Variants in PI4KA observed in about 807,000 individuals in gnomAD.
PI4KA encodes the protein phosphatidylinositol 4-kinase alpha, also known as PI4-kinase alpha.
Under a neutral mutation model 271.4 loss-of-function variants are expected in PI4KA, and 122 were observed. The observed-to-expected ratio is 0.45, with a 90% CI of 0.39 to 0.52. The LOEUF (loss-of-function observed/expected upper bound fraction) is 0.52. PI4KA is among the 20% of genes least tolerant of loss of function. PI4KA has a pLI of 0.00. For missense variants in PI4KA, 1,969 were observed against 2,769.1 expected (o/e 0.71, Z 6.48); for synonymous variants, 1,041 against 1,078.8 (o/e 0.96, Z 0.69).
At chr22:20,768,283 G>A (rs980803072) in intron 19 of PI4KA, among the ~76,000 whole-genome samples, 1 of 151,938 alleles carries the variant, frequency 6.6e-6, no homozygotes, top group Non-Finnish European at 1.5e-5. Context: ...TGTTGCCCAG[G>A]GTGGTATTAA....
At chr22:20,778,402 G>A (rs1387644831) in intron 19 of PI4KA, among the ~76,000 whole-genome samples, 2 of 152,090 alleles carry the variant, frequency 1.3e-5, no homozygotes, top group Non-Finnish European at 2.9e-5. Flanking sequence ...TACTTGGGAG[G>A]CTGAGGCAAG....
intron 10 of PI4KA, 79 bp from the exon 11 acceptor site, chr22:20,805,244 T>G: frequency 3.0e-6 from 3 of 1,009,068 alleles, no homozygotes; most frequent in Non-Finnish European, 4.5e-6. Flanking sequence ...GGCTACAGTC[T>G]TCCCCTTTTA....
Position 20,818,389 on chromosome 22 carries a change from A to T in PI4KA, c.856+94T>A, listed in dbSNP as rs541523189. ...ACTCTAGGTCCATCCATGACAACAGAGTTAGTATCAGCATCCTTAATATCA... is the reference window on the plus strand; with the variant it reads ...ACTCTAGGTCCATCCATGACAACAGTGTTAGTATCAGCATCCTTAATATCA... On this transcript the variant is annotated intron_variant, in intron 7 of 54. Transcript: ENST00000255882. 3.3e-5 allele frequency: 28 copies of T among 850,890 alleles called. No homozygotes were observed. In the East Asian group the frequency reaches 8.5e-4, roughly 26 times the overall value. The allele number at this position is 850,890 out of a possible 1,614,324, so 52.7% of individuals were successfully genotyped here.
intron 32 of PI4KA, among the ~76,000 whole-genome samples, chr22:20,734,823 C>T (rs976127818): frequency 1.4e-4 from 21 of 152,148 alleles, no homozygotes; most frequent in African/African-American, 3.4e-4. Context: ...TGGCAGCACC[C>T]GGGATGTACC....
chr22:20,729,042 T>A lies in PI4KA; in HGVS notation c.4682+271A>T, dbSNP rs1927688661. 3.3e-5 allele frequency among the ~76,000 whole-genome samples: 5 copies of A among 152,250 alleles called. No homozygotes were observed. In the South Asian group the frequency reaches 1.0e-3, roughly 32 times the overall value. ...TGCTTCCTATCCGGCAGGAATCAGATCTTGGCTCTGAATTCACCCTGCTGC... is the reference window on the plus strand; with the variant it reads ...TGCTTCCTATCCGGCAGGAATCAGAACTTGGCTCTGAATTCACCCTGCTGC... On this transcript the variant is annotated intron_variant, in intron 39 of 54. Coordinates refer to ENST00000255882, the MANE Select transcript of PI4KA (RefSeq NM_058004.4).
intron 1 of PI4KA, among the ~76,000 whole-genome samples, chr22:20,857,804 C>T (rs1466989763): frequency 6.6e-6 from 1 of 152,204 alleles, no homozygotes; most frequent in African/African-American, 2.4e-5. Context: ...TCAGGTCCCA[C>T]TCTAAAATCT....
chr22:20,765,778 C>A, intron 19 of PI4KA, 85 bp from the exon 20 acceptor site: 1 of 848,440 alleles, frequency 1.2e-6, no homozygotes, highest in South Asian at 1.4e-5. Flanking sequence ...ACCACAGATT[C>A]ATTCTCTAAG....
At chr22:20,839,234 C>A (rs987044722) in intron 1 of PI4KA, among the ~76,000 whole-genome samples, 2 of 152,074 alleles carry the variant, frequency 1.3e-5, no homozygotes, top group Admixed American at 6.6e-5. Flanking sequence ...AACAAACAAA[C>A]AAAACCACTA....
intron 1 of PI4KA, among the ~76,000 whole-genome samples, chr22:20,857,130 C>T (rs1441906043): frequency 6.6e-6 from 1 of 152,184 alleles, no homozygotes; most frequent in Non-Finnish European, 1.5e-5. Context: ...TGTTGCTCTT[C>T]ACAATACTCC....
chr22:20,820,597 A>G lies in PI4KA; in HGVS notation c.471T>C (p.Leu157=). ...PSLRDEILEV[L]LQVLHVLLGM... is the part of the protein sequence containing the mutation. ...CCAAGAGGACATGCAAAACCTGCAA[A>G]AGCACCTCTAAAATCTGTAACAGTC... Residue 157 remains leucine (L), a synonymous_variant, in exon 5 of 55, where the codon CTT becomes CTC. Transcript: ENST00000255882. The G allele has an allele frequency of 6.8e-6, 11 of 1,609,918 alleles. No individual in the cohort carries two copies. Among genetic ancestry groups the G allele is most frequent in the Non-Finnish European group, 9.3e-6 (11 of 1,177,022 alleles).
chr22:20,820,442 T>C (rs1258952214), intron 5 of PI4KA, 97 bp downstream of exon 5: 5 of 808,756 alleles, frequency 6.2e-6, no homozygotes, highest in East Asian at 4.9e-5. Context: ...TCTCCCATCA[T>C]ATATATTAGG....
At chr22:20,855,231 T>C (rs868429634) in intron 1 of PI4KA, among the ~76,000 whole-genome samples, 1 of 151,648 alleles carries the variant, frequency 6.6e-6, no homozygotes, top group Non-Finnish European at 1.5e-5. Context: ...AGGAGGAATG[T>C]AGTAAAACAC....
chr22:20,710,889 G>A (rs1601304684), intron 51 of PI4KA, 31 bp from the exon 52 acceptor site: 2 of 1,609,414 alleles, frequency 1.2e-6, no homozygotes, highest in Non-Finnish European at 1.7e-6. Flanking sequence ...GCCTGTGACT[G>A]GGTAGGAGCC....
rs1400467377 is a variant in PI4KA at position 20,761,373 on chromosome 22, T to C, written c.2722A>G (p.Thr908Ala). ...RLEYMRVLRS[T>A]DPDRFQVMFC... ...ATTACCTGGAAGCGATCAGGATCTGTTGAACGCAGTACCCTAAGAAGAAAA... is the reference window on the plus strand; with the variant it reads ...ATTACCTGGAAGCGATCAGGATCTGCTGAACGCAGTACCCTAAGAAGAAAA... Residue 908 changes from threonine to alanine, a missense_variant, in exon 23 of 55, where the codon ACA becomes GCA. Thr to Ala is a moderately conservative substitution (Grantham distance 58, BLOSUM62 0). This residue lies in a region of PI4KA where 368 missense variants were observed against 544.3 expected (regional missense o/e 0.68). Coordinates refer to ENST00000255882, the MANE Select transcript of PI4KA (RefSeq NM_058004.4). 5.6e-6 allele frequency: 9 copies of C among 1,609,464 alleles called. No individual in the cohort carries two copies. The highest frequency in any genetic ancestry group is 1.1e-5 in the South Asian group (1 of 91,008).
intron 27 of PI4KA, 49 bp from the exon 28 acceptor site, chr22:20,750,043 G>A: frequency 8.1e-7 from 1 of 1,234,232 alleles, no homozygotes; most frequent in South Asian, 1.2e-5. Context: ...CAGTTCATCT[G>A]AGCTGCCGTA....
intron 49 of PI4KA, 35 bp from the exon 50 acceptor site, chr22:20,712,646 T>A (rs1378098524): frequency 6.4e-7 from 1 of 1,554,916 alleles, no homozygotes. Context: ...GCCCGCTGGG[T>A]GCGAGGTGCC....
At chr22:20,786,887 G>A (rs571260254) in intron 19 of PI4KA, 2 of 1,614,160 alleles carry the variant, frequency 1.2e-6, no homozygotes, top group South Asian at 2.2e-5. Flanking sequence ...CAAGCACCAA[G>A]GCACGATCAC....
intron 1 of PI4KA, among the ~76,000 whole-genome samples, chr22:20,857,156 T>A (rs1405488861): frequency 6.6e-6 from 1 of 152,180 alleles, no homozygotes; most frequent in Non-Finnish European, 1.5e-5. Context: ...AGTACTACCT[T>A]GTATTTGACA....
chr22:20,844,734 A>G (rs2147796589), intron 1 of PI4KA, among the ~76,000 whole-genome samples: 1 of 152,282 alleles, frequency 6.6e-6, no homozygotes, highest in East Asian at 1.9e-4. Flanking sequence ...CATATTGAAC[A>G]TTTATCATGT....
Sources: allele counts gnomAD v4.1 joint callset (sites outside exome capture counted in the v4.1 genomes callset), GRCh38; gene constraint gnomAD v4.1.1; regional missense constraint gnomAD v4.1.1; transcripts MANE v1.5; gene names NCBI Gene and HGNC (gene_info 2026-07-23, HGNC 2026-07-21).